Variants in INPP5B observed in about 807,000 individuals in gnomAD.
INPP5B encodes type II inositol 1,4,5-trisphosphate 5-phosphatase.
INPP5B carries 90 observed loss-of-function variants against 118.5 expected under a neutral mutation model. The observed-to-expected ratio is 0.76, with a 90% CI of 0.64 to 0.90. INPP5B has a LOEUF of 0.90. INPP5B is among the 40% of genes least tolerant of loss of function. The probability of loss-of-function intolerance (pLI) is 0.00; values close to 1 mark genes in which losing one functional copy is unlikely to be tolerated. For missense variants in INPP5B, 984 were observed against 1,125.6 expected (o/e 0.87, Z 1.80); for synonymous variants, 385 against 418.9 (o/e 0.92, Z 0.99).
At chr1:37,883,275 C>T in intron 13 of INPP5B, 1 of 985,400 alleles carries the variant, frequency 1.0e-6, no homozygotes, top group Non-Finnish European at 1.2e-6. Flanking sequence ...CCAGAGATCC[C>T]AAATCAGATG....
At chr1:37,934,872 T>C (rs1041429518) in intron 6 of INPP5B, among the ~76,000 whole-genome samples, 2 of 151,014 alleles carry the variant, frequency 1.3e-5, no homozygotes, top group African/African-American at 4.9e-5. Flanking sequence ...ATTAAGTGCC[T>C]GCTATCTGAC....
chr1:37,940,143 T>C (rs1189540597), intron 6 of INPP5B, among the ~76,000 whole-genome samples: 1 of 152,194 alleles, frequency 6.6e-6, no homozygotes, highest in Non-Finnish European at 1.5e-5. Context: ...TTGCATGTTC[T>C]ATGACTAATC....
In INPP5B at chr1:37,907,871, C is replaced by T. The variant is rs948881046; in HGVS notation, c.533-16417G>A. On this transcript the variant is annotated intron_variant, in intron 7 of 23. Transcript: ENST00000373024. The surrounding 1 kb of genome is among the most constrained non-coding windows in gnomAD (Gnocchi z 4.3). ...ATATCCCCTGTGACCTGCATGTATA[C>T]ATCCAGATGGCCTGAAGCAACTGAA... 9.2e-5 allele frequency among the ~76,000 whole-genome samples: 14 copies of T among 152,188 alleles called. No individual in the cohort carries two copies. The highest frequency in any genetic ancestry group is 3.4e-4 in the African/African-American group (14 of 41,442).
At chr1:37,939,945 TCCAA>T (rs1645853508) in intron 6 of INPP5B, among the ~76,000 whole-genome samples, 1 of 152,042 alleles carries the variant, frequency 6.6e-6, no homozygotes, top group South Asian at 2.1e-4. Flanking sequence ...CTAGTTTGAA[TCCAA>T]GGGCAGTCCC....
At chr1:37,863,213 TAAA>T (rs869054961) in intron 23 of INPP5B, among the ~76,000 whole-genome samples, 41 of 128,306 alleles carry the variant, frequency 3.2e-4, no homozygotes, top group African/African-American at 1.2e-3. Context: ...CACTGCCCTT[TAAA>T]AAAAAAAAAA....
chr1:37,867,005 G>A (rs563702309), intron 20 of INPP5B, among the ~76,000 whole-genome samples: 5 of 152,328 alleles, frequency 3.3e-5, no homozygotes, highest in East Asian at 1.9e-4. Context: ...AGGCAGAGGC[G>A]GGTGGATCAC....
chr1:37,898,334 A>C (rs1644200092), intron 7 of INPP5B, among the ~76,000 whole-genome samples: 1 of 152,208 alleles, frequency 6.6e-6, no homozygotes, highest in African/African-American at 2.4e-5. Context: ...CTATACTCAA[A>C]AGAAACTATA....
Position 37,862,384 on chromosome 1 carries a change from T to G in INPP5B, c.2673A>C (p.Gln891His). Reference protein sequence around the residue: ...SLLLRNPAGHQKLDMTEKKKA... With the variant: ...SLLLRNPAGHHKLDMTEKKKA... ...TCTTCTTCTCTGTCATATCAAGCTT[T>G]TGGTGACCAGCTGGGTTTCGAAGCA... Residue 891 changes from glutamine to histidine, a missense_variant, in exon 24 of 24, where the codon CAA becomes CAC. Gln to His is a conservative substitution (Grantham distance 24). This residue lies in a region of INPP5B where 634 missense variants were observed against 791.0 expected (regional missense o/e 0.80). Coordinates refer to ENST00000373024, the MANE Select transcript of INPP5B (RefSeq NM_005540.3). 1 of 1,614,030 alleles carries G rather than the reference T, an allele frequency of 6.2e-7. No homozygotes were observed. Among genetic ancestry groups the G allele is most frequent in the Non-Finnish European group, 8.5e-7 (1 of 1,179,906 alleles).
At chr1:37,866,007 G>A in intron 21 of INPP5B, 119 bp from the exon 22 acceptor site, 2 of 1,488,660 alleles carry the variant, frequency 1.3e-6, no homozygotes, top group Non-Finnish European at 9.0e-7. Flanking sequence ...TCAGGGCTAG[G>A]ATGCCAGCCT....
intron 8 of INPP5B, 82 bp from the exon 9 acceptor site, chr1:37,889,806 A>G: frequency 4.8e-6 from 5 of 1,046,742 alleles, no homozygotes; most frequent in South Asian, 3.4e-5. Context: ...AAGTTCCCCT[A>G]TACAAGCATC....
intron 6 of INPP5B, among the ~76,000 whole-genome samples, chr1:37,937,404 G>C (rs1482525768): frequency 6.6e-6 from 1 of 152,116 alleles, no homozygotes; most frequent in Non-Finnish European, 1.5e-5. Context: ...AGCTGAGATG[G>C]GCAGGTCACC....
At chr1:37,882,691 C>A in intron 14 of INPP5B, 116 bp downstream of exon 14, 1 of 699,002 alleles carries the variant, frequency 1.4e-6, no homozygotes, top group East Asian at 2.6e-5. Flanking sequence ...ACATCAGGAA[C>A]TCAGGGAAAC....
chr1:37,944,796 G>A (rs1052591437), intron 3 of INPP5B, among the ~76,000 whole-genome samples: 3 of 151,618 alleles, frequency 2.0e-5, no homozygotes, highest in Admixed American at 6.6e-5. Context: ...GAGGTGGGGC[G>A]GGGTAGGGGG....
chr1:37,875,568 T>G (rs374018602), intron 17 of INPP5B, 38 bp downstream of exon 17: 5 of 1,536,236 alleles, frequency 3.3e-6, no homozygotes, highest in Non-Finnish European at 4.5e-6. Flanking sequence ...GCACCCGGCC[T>G]GAGCCCAATG....
chr1:37,874,678 T>G (rs1299292094), intron 17 of INPP5B, among the ~76,000 whole-genome samples: 1 of 152,174 alleles, frequency 6.6e-6, no homozygotes, highest in East Asian at 1.9e-4. Flanking sequence ...CAGCCTGTAA[T>G]CCCAGCTACT....
intron 6 of INPP5B, among the ~76,000 whole-genome samples, chr1:37,936,888 T>C (rs1396129037): frequency 6.6e-6 from 1 of 151,606 alleles, no homozygotes; most frequent in African/African-American, 2.4e-5. Flanking sequence ...TATATAATCC[T>C]GCCTAATCCT....
At chr1:37,941,924 C>T (rs1189074418) in intron 5 of INPP5B, among the ~76,000 whole-genome samples, 3 of 44,508 alleles carry the variant, frequency 6.7e-5, no homozygotes, top group African/African-American at 1.8e-4. Flanking sequence ...GGCGACAGAG[C>T]GAGACTCCGT....
chr1:37,922,250 A>ATGG (rs1332365526), intron 7 of INPP5B, among the ~76,000 whole-genome samples: 1 of 151,794 alleles, frequency 6.6e-6, no homozygotes, highest in Non-Finnish European at 1.5e-5. Flanking sequence ...TTAGCCAGAC[A>ATGG]TGGTGGCACA....
chr1:37,887,150 A>G, intron 11 of INPP5B, 146 bp from the exon 12 acceptor site: 5 of 767,802 alleles, frequency 6.5e-6, no homozygotes, highest in East Asian at 2.6e-5. Flanking sequence ...CAATTCACCA[A>G]GCATGCTATG....
Sources: gnomAD v4.1 joint callset for allele counts (sites outside exome capture counted in the v4.1 genomes callset) on GRCh38, gnomAD v4.1.1 for gene constraint, gnomAD v4.1.1 regional missense constraint, Gnocchi (gnomAD v3.1) non-coding constraint, MANE v1.5 for transcripts, NCBI Gene and HGNC (gene_info 2026-07-23, HGNC 2026-07-21) for gene names.